Variants in SGCZ observed in about 807,000 individuals in gnomAD.
SGCZ encodes zeta-sarcoglycan.
In SGCZ, 40 loss-of-function variants were observed where a neutral mutation model predicts 41.3. The observed-to-expected ratio is 0.97, with a 90% confidence interval of 0.75 to 1.26. The LOEUF (loss-of-function observed/expected upper bound fraction) is 1.26. Among genes scored for constraint, SGCZ ranks in the 50% most tolerant of loss-of-function variants. The pLI is 0.00. For synonymous variants in SGCZ, 206 were observed against 137.5 expected (o/e 1.50, Z -3.49); for missense variants, 552 against 369.8 (o/e 1.49, Z -4.04).
chr8:14,307,754 A>G, intron 3 of SGCZ, among the ~76,000 whole-genome samples: 1 of 152,296 alleles, frequency 6.6e-6, no homozygotes, highest in Non-Finnish European at 1.5e-5. Context: ...ATAAAGACAT[A>G]CAAACATATA....
At chr8:14,190,591 T>C (rs576680780) in intron 4 of SGCZ, among the ~76,000 whole-genome samples, 4 of 151,976 alleles carry the variant, frequency 2.6e-5, no homozygotes, top group Non-Finnish European at 5.9e-5. Context: ...GACATATAAA[T>C]CTTCTCTTAA....
intron 2 of SGCZ, among the ~76,000 whole-genome samples, chr8:14,499,434 T>C (rs1364484804): frequency 6.6e-6 from 1 of 152,056 alleles, no homozygotes; most frequent in Non-Finnish European, 1.5e-5. Flanking sequence ...CAATTCTCTG[T>C]ATTATTTTAT....
At chr8:15,221,783 T>G (rs1801612253) in intron 1 of SGCZ, among the ~76,000 whole-genome samples, 1 of 152,196 alleles carries the variant, frequency 6.6e-6, no homozygotes, top group African/African-American at 2.4e-5. Context: ...AGTAACTGAT[T>G]GTCCAGGAAT....
chr8:15,041,271 A>T (rs1804086765), intron 1 of SGCZ, among the ~76,000 whole-genome samples: 1 of 151,970 alleles, frequency 6.6e-6, no homozygotes, highest in South Asian at 2.1e-4. Flanking sequence ...TAAAATCAGT[A>T]TGTTTATGAA....
At chr8:14,149,878 T>A (rs1439735995) in intron 5 of SGCZ, among the ~76,000 whole-genome samples, 1 of 151,918 alleles carries the variant, frequency 6.6e-6, no homozygotes, top group Non-Finnish European at 1.5e-5. Context: ...ATCCACACAC[T>A]ACAGTGAACT....
chr8:15,166,264 T>C (rs1799662431), intron 1 of SGCZ, among the ~76,000 whole-genome samples: 1 of 151,602 alleles, frequency 6.6e-6, no homozygotes, highest in African/African-American at 2.4e-5. Context: ...TTTTCTTTTT[T>C]TGAGACGGAG....
At chr8:14,109,853 G>C (rs866841742) in intron 5 of SGCZ, among the ~76,000 whole-genome samples, 1 of 151,928 alleles carries the variant, frequency 6.6e-6, no homozygotes, top group Admixed American at 6.6e-5. Context: ...TACTTACCAG[G>C]TTCTGCTGCA....
rs748776911 is a variant in SGCZ, at chr8:14,824,124, T to A, written c.40-269198A>T. Among the ~76,000 whole-genome samples the A allele has an allele frequency of 8.4e-4, 128 of 151,502 alleles. 2 individuals carry two copies. The highest frequency in any genetic ancestry group is 4.3e-3 in the Admixed American group (66 of 15,214). On this transcript the variant is annotated intron_variant, in intron 1 of 7. Coordinates refer to ENST00000382080, the MANE Select transcript of SGCZ (RefSeq NM_139167.4). The stretch of plus-strand genomic sequence containing the variant: ...AAGAGGAGAGGAGGATGAGAAAAGG[T>A]TTTTCGAGAGAAACAGACTTACAAA...
intron 2 of SGCZ, among the ~76,000 whole-genome samples, chr8:14,392,595 C>T (rs1331740673): frequency 6.6e-6 from 1 of 152,136 alleles, no homozygotes; most frequent in Non-Finnish European, 1.5e-5. Context: ...GCTTTGCACA[C>T]TGGTACCAGG....
chr8:14,283,012 G>C (rs1800502076), intron 3 of SGCZ, among the ~76,000 whole-genome samples: 1 of 150,680 alleles, frequency 6.6e-6, no homozygotes, highest in African/African-American at 2.4e-5. Context: ...ACCACGCCCG[G>C]CTAATTTTTT....
intron 1 of SGCZ, among the ~76,000 whole-genome samples, chr8:15,003,950 C>T (rs1302928008): frequency 6.6e-6 from 1 of 152,140 alleles, no homozygotes. Flanking sequence ...CACAACTACC[C>T]TTCAATGTGT....
chr8:14,498,599 T>C (rs1802059837), intron 2 of SGCZ, among the ~76,000 whole-genome samples: 1 of 152,112 alleles, frequency 6.6e-6, no homozygotes, highest in African/African-American at 2.4e-5. Context: ...TTAAATATTA[T>C]TCACTTATTC....
intron 1 of SGCZ, among the ~76,000 whole-genome samples, chr8:15,172,910 T>G (rs1008371479): frequency 6.6e-6 from 1 of 152,016 alleles, no homozygotes; most frequent in Non-Finnish European, 1.5e-5. Flanking sequence ...AAATAAAAAC[T>G]TAATATGGAA....
At chr8:14,364,764 T>C (rs1358486479) in intron 2 of SGCZ, among the ~76,000 whole-genome samples, 3 of 152,204 alleles carry the variant, frequency 2.0e-5, no homozygotes, top group Non-Finnish European at 4.4e-5. Flanking sequence ...TATTATCATT[T>C]GCTCATTTTG....
At chr8:14,665,112 T>C (rs1807866608) in intron 1 of SGCZ, among the ~76,000 whole-genome samples, 1 of 152,198 alleles carries the variant, frequency 6.6e-6, no homozygotes, top group Non-Finnish European at 1.5e-5. Flanking sequence ...GCTGCACCCA[T>C]TAACTCATCA....
At chr8:15,071,742 T>C (rs1393547129) in intron 1 of SGCZ, among the ~76,000 whole-genome samples, 1 of 151,954 alleles carries the variant, frequency 6.6e-6, no homozygotes, top group African/African-American at 2.4e-5. Flanking sequence ...CTTCTGGGAG[T>C]AGCATAATCA....
chr8:14,860,629 CAAA>C (rs1316299466), intron 1 of SGCZ, among the ~76,000 whole-genome samples: 1 of 123,660 alleles, frequency 8.1e-6, no homozygotes, highest in East Asian at 2.3e-4. Context: ...GAGAAAAAGA[CAAA>C]GAGAGAAAGA....
intron 1 of SGCZ, among the ~76,000 whole-genome samples, chr8:15,093,177 T>C (rs530368173): frequency 7.2e-4 from 110 of 152,330 alleles, no homozygotes; most frequent in African/African-American, 2.6e-3. Context: ...ATACTAGGTT[T>C]TCTCTGACAT....
intron 2 of SGCZ, among the ~76,000 whole-genome samples, chr8:14,446,506 T>G (rs1293344977): frequency 6.6e-6 from 1 of 152,126 alleles, no homozygotes; most frequent in Non-Finnish European, 1.5e-5. Context: ...ACTTGAAGAG[T>G]GGTAATAAAT....
Sources: allele counts gnomAD v4.1 joint callset (sites outside exome capture counted in the v4.1 genomes callset), GRCh38; gene constraint gnomAD v4.1.1; transcripts MANE v1.5; gene names NCBI Gene and HGNC (gene_info 2026-07-23, HGNC 2026-07-21).